The following MPDZ variants were observed in gnomAD, a reference collection of about 807,000 sequenced individuals.
MPDZ encodes multiple PDZ domain protein.
In MPDZ, 234 loss-of-function variants were observed where a neutral mutation model predicts 239.1. That is an observed-to-expected ratio of 0.98 (90% CI 0.88 to 1.09). The LOEUF (loss-of-function observed/expected upper bound fraction) is 1.09, where lower values mean the gene tolerates loss of function less well. MPDZ is among the 50% of genes least tolerant of loss of function. The pLI, the probability that MPDZ is intolerant of heterozygous loss-of-function variation, is 0.00. For missense variants in MPDZ, 3,175 were observed against 2,510.0 expected, an observed-to-expected ratio of 1.26 and a Z score of -5.66; for synonymous variants, 1,048 against 881.3, an observed-to-expected ratio of 1.19 and a Z score of -3.35.
chr9:13,158,070 C>T lies in MPDZ; in HGVS notation c.3400G>A (p.Glu1134Lys), dbSNP rs1442441582. 1.9e-6 allele frequency: 3 copies of T among 1,612,776 alleles called. No individual in the cohort carries two copies. Among genetic ancestry groups the T allele is most frequent in the Non-Finnish European group, 2.5e-6 (3 of 1,179,178 alleles). The change falls in exon 24 of 47, where the codon GAA (glutamate) becomes AAA (lysine). Residue 1134 changes from glutamate to lysine, a missense_variant. By Grantham distance (56) the Glu-to-Lys change is moderately conservative. Transcript: ENST00000319217. ...ELPEREEGEG[E>K]ESELQNTAYS... is the part of the protein sequence containing the mutation. ...GCTGTGTTTTGAAGTTCGCTTTCTT[C>T]ACCCTCTCCCTCTTCTCGCTCTGGT...
chr9:13,250,278 G>A, intron 2 of MPDZ, 22 bp downstream of exon 2: 1 of 1,589,584 alleles, frequency 6.3e-7, no homozygotes, highest in Non-Finnish European at 8.6e-7. Context: ...TATAAAAGTA[G>A]GCAGAAAAGA....
intron 27 of MPDZ, among the ~76,000 whole-genome samples, chr9:13,141,716 AG>A (rs1947721095): frequency 2.0e-5 from 3 of 152,190 alleles, no homozygotes; most frequent in Non-Finnish European, 4.4e-5. Context: ...ATGTAACACT[AG>A]AACTATTTGA....
At chr9:13,272,686 A>C (rs1973263127) in intron 1 of MPDZ, among the ~76,000 whole-genome samples, 1 of 149,038 alleles carries the variant, frequency 6.7e-6, no homozygotes, top group Admixed American at 6.7e-5. Flanking sequence ...AACATGGTGA[A>C]ACTCTGTTCC....
At position 13,110,721 on chromosome 9, in the gene MPDZ, G is replaced by T; in HGVS notation, c.5744C>A (p.Thr1915Asn). ...QKLRVGDRIV[T>N]ICGTSTEGMT... The stretch of plus-strand genomic sequence containing the variant: ...GCCCTCAGTGGATGTGCCACAGATG[G>T]TGACAATCCTATCCCCAACCTGCAA... The change falls in exon 44 of 47, where the codon ACC becomes AAC. Residue 1915 changes from threonine to asparagine, a missense_variant. Transcript: ENST00000319217. 6.2e-7 allele frequency: 1 copy of T among 1,613,296 alleles called. No homozygotes were observed. Among genetic ancestry groups the T allele is most frequent in the South Asian group, 1.1e-5 (1 of 90,868 alleles).
At chr9:13,177,743 A>G (rs986577425) in intron 19 of MPDZ, among the ~76,000 whole-genome samples, 4 of 152,180 alleles carry the variant, frequency 2.6e-5, no homozygotes, top group Admixed American at 2.6e-4. Context: ...CAAGTTACTT[A>G]AACACTATGC....
At chr9:13,137,765 G>T (rs1947042291) in intron 29 of MPDZ, among the ~76,000 whole-genome samples, 192 bp downstream of exon 29, 1 of 152,142 alleles carries the variant, frequency 6.6e-6, no homozygotes, top group Non-Finnish European at 1.5e-5. Context: ...CCTTTTAATG[G>T]AAGTTAATGG....
intron 1 of MPDZ, among the ~76,000 whole-genome samples, chr9:13,265,557 G>A (rs888113980): frequency 1.3e-5 from 2 of 152,158 alleles, no homozygotes; most frequent in African/African-American, 2.4e-5. Flanking sequence ...CAACAAGAGC[G>A]AAACTCCATC....
chr9:13,139,721 TGA>T (rs1403890232), intron 28 of MPDZ, among the ~76,000 whole-genome samples: 1 of 152,170 alleles, frequency 6.6e-6, no homozygotes, highest in Non-Finnish European at 1.5e-5. Flanking sequence ...TACTAGCTTC[TGA>T]GAGAGTGCCC....
rs777657518 is a variant in MPDZ, at chr9:13,183,473, C to G, written c.2594G>C (p.Ser865Thr). 5 of 1,610,722 alleles carry G rather than the reference C, an allele frequency of 3.1e-6. No homozygotes were observed. The highest frequency in any genetic ancestry group is 4.2e-6 in the Non-Finnish European group (5 of 1,178,336). The change falls in exon 19 of 47, where the codon AGT becomes ACT. Residue 865 changes from serine to threonine, a missense_variant. By Grantham distance (58) the Ser-to-Thr change is moderately conservative. Transcript: ENST00000319217. The stretch of plus-strand genomic sequence containing the variant: ...ATAGTTCAGGCCATCACCACAAGAA[C>G]TGCCATGAAGAGATAAAATAGAGGC... ...TQASILSLHG[S>T]SCGDGLNYGS...
At position 13,250,299 on chromosome 9, in the gene MPDZ, C is replaced by T. The variant is rs1201938760; in HGVS notation, c.16+1G>A. 1.9e-6 allele frequency: 3 copies of T among 1,593,776 alleles called. No individual in the cohort carries two copies. The highest frequency in any genetic ancestry group is 1.3e-5 in the African/African-American group (1 of 74,824). On this transcript the variant is annotated splice_donor_variant, in intron 2 of 46. Transcript: ENST00000319217. LOFTEE classifies it high-confidence loss of function. ...AGTAGGCAGAAAAGAATAAGTCTTA[C>T]CAATGGCTTCCAACATTTTTTTCAA... is the stretch of plus-strand genomic sequence containing the variant.
Position 13,188,881 on chromosome 9 carries a change from T to C in MPDZ, c.2267A>G (p.Asp756Gly). The C allele has an allele frequency of 6.2e-7, 1 of 1,613,564 alleles. No individual in the cohort carries two copies. Among genetic ancestry groups the C allele is most frequent in the South Asian group, 1.1e-5 (1 of 91,068 alleles). Residue 756 changes from aspartate to glycine, a missense_variant, in exon 17 of 47, where the codon GAT becomes GGT. Coordinates refer to ENST00000319217, the MANE Select transcript of MPDZ (RefSeq NM_001378778.1). ...LPGDRLMFVN[D>G]VNLENSSLEE... ...AAGACTGCTGTTTTCCAAGTTAACATCGTTTACAAACATGAGTCGGTCACC... is the reference window on the plus strand; with the variant it reads ...AAGACTGCTGTTTTCCAAGTTAACACCGTTTACAAACATGAGTCGGTCACC...
intron 3 of MPDZ, among the ~76,000 whole-genome samples, chr9:13,237,509 A>G (rs1010816557): frequency 2.6e-5 from 4 of 151,618 alleles, no homozygotes; most frequent in African/African-American, 7.3e-5. Context: ...AATAAATTCA[A>G]TGATTGTCTC....
intron 32 of MPDZ, among the ~76,000 whole-genome samples, chr9:13,132,040 C>T (rs1481704267): frequency 6.6e-6 from 1 of 152,168 alleles, no homozygotes; most frequent in Non-Finnish European, 1.5e-5. Context: ...TTCTAGCTAC[C>T]TGAGCTTTAG....
At chr9:13,141,932 T>C (rs1247836478) in intron 27 of MPDZ, among the ~76,000 whole-genome samples, 2 of 152,138 alleles carry the variant, frequency 1.3e-5, no homozygotes, top group Non-Finnish European at 2.9e-5. Flanking sequence ...TGCTGTGCCA[T>C]AAATGTCTCA....
In MPDZ at chr9:13,112,115, G is replaced by A. The variant is rs1224862527; in HGVS notation, c.5633C>T (p.Ala1878Val). 3 of 1,613,106 alleles carry A rather than the reference G, an allele frequency of 1.9e-6. No individual in the cohort carries two copies. Among genetic ancestry groups the A allele is most frequent in the African/African-American group, 1.3e-5 (1 of 74,888 alleles). ...ACCAAGTGGGCTGCCTACTCCTCCAGCGATGCTGATTCCCAGTGAGTCAGT... is the reference window on the plus strand; with the variant it reads ...ACCAAGTGGGCTGCCTACTCCTCCAACGATGCTGATTCCCAGTGAGTCAGT... ...GPTDSLGISI[A>V]GGVGSPLGDV... Residue 1878 changes from alanine to valine, a missense_variant, in exon 43 of 47, where the codon GCT becomes GTT. Physicochemically the swap from Ala to Val is moderately conservative, Grantham distance 64 (BLOSUM62 0). Transcript: ENST00000319217.
At chr9:13,252,780 C>G (rs1968439099) in intron 1 of MPDZ, among the ~76,000 whole-genome samples, 1 of 151,804 alleles carries the variant, frequency 6.6e-6, no homozygotes, top group Non-Finnish European at 1.5e-5. Context: ...ATAAAGATGC[C>G]CCAATATAAG....
intron 3 of MPDZ, among the ~76,000 whole-genome samples, chr9:13,247,232 T>C (rs939146432): frequency 1.3e-5 from 2 of 152,182 alleles, no homozygotes; most frequent in African/African-American, 4.8e-5. Flanking sequence ...TGATTACACA[T>C]GCAAATCCAC....
intron 12 of MPDZ, among the ~76,000 whole-genome samples, chr9:13,199,564 A>G (rs1956134761): frequency 6.6e-6 from 1 of 151,984 alleles, no homozygotes; most frequent in African/African-American, 2.4e-5. Flanking sequence ...AAAAGTAAGC[A>G]TCGTTGTCTT....
Position 13,136,326 on chromosome 9 carries a change from T to C in MPDZ, c.4293-144A>G, listed in dbSNP as rs1049861205. On this transcript the variant is annotated intron_variant, in intron 30 of 46. Coordinates refer to ENST00000319217, the MANE Select transcript of MPDZ (RefSeq NM_001378778.1). Reference sequence around the variant, plus strand: ...CACTTACAAATTTACAAACGTTTTCTTTTTTTTTTTTTTTTTTTTTTTTGA... The same window carrying C: ...CACTTACAAATTTACAAACGTTTTCCTTTTTTTTTTTTTTTTTTTTTTTGA... 7 of 141,664 alleles carry C rather than the reference T, an allele frequency of 4.9e-5. No homozygotes were observed. The East Asian group carries it at 9.1e-4, about 18-fold the overall frequency. The allele number at this position is 141,664 out of a possible 1,614,324, so 8.8% of individuals were successfully genotyped here.
Sources: gnomAD v4.1 joint callset for allele counts (sites outside exome capture counted in the v4.1 genomes callset) on GRCh38, gnomAD v4.1.1 for gene constraint, MANE v1.5 for transcripts, NCBI Gene and HGNC (gene_info 2026-07-23, HGNC 2026-07-21) for gene names.